NCKAP5: variants seen among roughly 807,000 people sequenced by gnomAD.
NCKAP5 encodes the protein NCK associated protein 5.
A neutral mutation model predicts 167.0 loss-of-function variants in NCKAP5; 92 were observed. That is an observed-to-expected ratio of 0.55 (90% CI 0.47 to 0.66). The LOEUF is 0.66. Ranked by LOEUF, NCKAP5 falls within the 30% of genes least tolerant of loss-of-function variation. The pLI, the probability that NCKAP5 is intolerant of heterozygous loss-of-function variation, is 0.00. For synonymous variants in NCKAP5, 891 were observed against 877.4 expected, an observed-to-expected ratio of 1.02 and a Z score of -0.27; for missense variants, 2,378 against 2,315.0, an observed-to-expected ratio of 1.03 and a Z score of -0.56.
chr2:133,156,438 T>A (rs2083580236), intron 5 of NCKAP5, among the ~76,000 whole-genome samples: 1 of 152,266 alleles, frequency 6.6e-6, no homozygotes, highest in South Asian at 2.1e-4. Context: ...TCCAGGCATC[T>A]CCAGGTAGCC....
At chr2:132,924,106 C>T (rs111438455) in intron 8 of NCKAP5, among the ~76,000 whole-genome samples, 276 of 152,248 alleles carry the variant, frequency 1.8e-3, no homozygotes, top group African/African-American at 5.8e-3. Context: ...CTTGGGCAGG[C>T]GACCCCTACA....
intron 7 of NCKAP5, among the ~76,000 whole-genome samples, chr2:132,965,152 A>T (rs1462499752): frequency 6.6e-6 from 1 of 152,176 alleles, no homozygotes; most frequent in African/African-American, 2.4e-5. Flanking sequence ...TCATCTCTGT[A>T]TATATAAATG....
rs181196187 is a variant in NCKAP5, at chr2:133,234,051, T to C, written c.144-20272A>G. ...CTGGGAGCAAACACAGGCTCCAAAC[T>C]GCAGCAGATAGGAGCACTCCTCATG... On this transcript the variant is annotated intron_variant, in intron 4 of 19. Transcript: ENST00000409261. Among the ~76,000 whole-genome samples, 17 of 152,316 alleles carry C rather than the reference T, an allele frequency of 1.1e-4. No individual in the cohort carries two copies. The East Asian group carries it at 1.3e-3, about 12-fold the overall frequency.
At chr2:133,149,012 T>C (rs2083295112) in intron 5 of NCKAP5, among the ~76,000 whole-genome samples, 1 of 152,126 alleles carries the variant, frequency 6.6e-6, no homozygotes. Flanking sequence ...ATCAAAAAGG[T>C]TTTCCTTATG....
chr2:133,063,923 A>T (rs1266339666), intron 6 of NCKAP5, among the ~76,000 whole-genome samples: 1 of 152,212 alleles, frequency 6.6e-6, no homozygotes. Context: ...GACTAAAGGA[A>T]TGGAGACTAG....
the NCKAP5 span, among the ~76,000 whole-genome samples, chr2:133,651,747 C>T: frequency 2.0e-5 from 3 of 152,246 alleles, no homozygotes; most frequent in African/African-American, 7.2e-5. Flanking sequence ...GATGTAGAAG[C>T]AACTTATATA....
At chr2:133,243,242 A>T (rs893061033) in intron 4 of NCKAP5, among the ~76,000 whole-genome samples, 3 of 152,152 alleles carry the variant, frequency 2.0e-5, no homozygotes, top group Non-Finnish European at 4.4e-5. Context: ...ACCTAGAGAG[A>T]ACCTTTCCTG....
intron 3 of NCKAP5, among the ~76,000 whole-genome samples, chr2:133,474,042 T>C (rs893615263): frequency 6.6e-6 from 1 of 152,142 alleles, no homozygotes; most frequent in African/African-American, 2.4e-5. Flanking sequence ...ATTGCAGCAC[T>C]ACTCCCAACA....
intron 6 of NCKAP5, among the ~76,000 whole-genome samples, chr2:133,095,040 G>A (rs945468889): frequency 5.9e-5 from 9 of 152,082 alleles, no homozygotes; most frequent in African/African-American, 2.2e-4. Flanking sequence ...ACCAAGCCTG[G>A]CTGGCACCTT....
At chr2:133,155,939 G>C (rs2149910124) in intron 5 of NCKAP5, among the ~76,000 whole-genome samples, 1 of 152,272 alleles carries the variant, frequency 6.6e-6, no homozygotes, top group South Asian at 2.1e-4. Context: ...CTCTGTTTCT[G>C]TGGTGAACTC....
intron 3 of NCKAP5, among the ~76,000 whole-genome samples, chr2:133,447,245 G>T (rs1215882547): frequency 1.3e-5 from 2 of 152,128 alleles, no homozygotes; most frequent in East Asian, 3.9e-4. Flanking sequence ...ATATTGATGG[G>T]AAACATTCAT....
chr2:133,655,966 A>G, the NCKAP5 span, among the ~76,000 whole-genome samples: 1 of 152,210 alleles, frequency 6.6e-6, no homozygotes, highest in Non-Finnish European at 1.5e-5. Context: ...AGATTATGTC[A>G]TTCCCAGGGG....
chr2:133,115,596 G>A (rs1445386526), intron 6 of NCKAP5, among the ~76,000 whole-genome samples: 2 of 151,536 alleles, frequency 1.3e-5, no homozygotes, highest in African/African-American at 4.8e-5. Context: ...GAGAAATTTA[G>A]CTTCTATTCT....
intron 4 of NCKAP5, among the ~76,000 whole-genome samples, chr2:133,285,398 T>C (rs968901247): frequency 1.3e-5 from 2 of 151,980 alleles, no homozygotes; most frequent in African/African-American, 4.8e-5. Context: ...ATGAGGAAGA[T>C]AACAGCTCTG....
chr2:133,579,596 G>A, the NCKAP5 span, among the ~76,000 whole-genome samples: 3 of 152,146 alleles, frequency 2.0e-5, no homozygotes, highest in African/African-American at 7.2e-5. Flanking sequence ...AGGTGTCCCT[G>A]GATAGAATAA....
intron 6 of NCKAP5, among the ~76,000 whole-genome samples, chr2:133,060,412 AT>A (rs1192357595): frequency 6.6e-6 from 1 of 152,218 alleles, no homozygotes; most frequent in Non-Finnish European, 1.5e-5. Context: ...CTTACACAAA[AT>A]CCCAGATATC....
In NCKAP5 at chr2:133,498,476, AAGGAAGGC is replaced by A. The variant is rs1363164100; in HGVS notation, c.69+18974_69+18981del. Among the ~76,000 whole-genome samples, 620 of 118,308 alleles carry A rather than the reference AAGGAAGGC, an allele frequency of 5.2e-3. 2 individuals are homozygous for A. Among genetic ancestry groups the A allele is most frequent in the African/African-American group, 0.014 (339 of 24,310 alleles). 77.6% of individuals were successfully genotyped at this position (118,308 alleles called of 152,430 possible). A position where few individuals can be genotyped will look rare whatever the true frequency, so the allele number is the denominator to read the frequency against. ...GAAGGAAGGAAGGAAGGAAGGAAGG[AAGGAAGGC>A]AGGCAGGCAGGCAGGCAGGCAGGCA... is the stretch of plus-strand genomic sequence containing the variant. On this transcript the variant is annotated intron_variant, in intron 3 of 19. Transcript: ENST00000409261.
chr2:133,007,978 C>A (rs2078023887), intron 6 of NCKAP5, among the ~76,000 whole-genome samples: 1 of 152,122 alleles, frequency 6.6e-6, no homozygotes, highest in South Asian at 2.1e-4. Flanking sequence ...CTTCTGAGTG[C>A]CCAGCAAAGA....
intron 5 of NCKAP5, among the ~76,000 whole-genome samples, chr2:133,151,368 C>T (rs969384760): frequency 6.6e-6 from 1 of 151,978 alleles, no homozygotes; most frequent in Non-Finnish European, 1.5e-5. Context: ...AGACAAGCCA[C>T]AGACTGGAAA....
Sources: allele counts gnomAD v4.1 joint callset (sites outside exome capture counted in the v4.1 genomes callset), GRCh38; gene constraint gnomAD v4.1.1; transcripts MANE v1.5; gene names NCBI Gene and HGNC (gene_info 2026-07-23, HGNC 2026-07-21).